The following SOX5 variants were observed in gnomAD, a reference collection of about 807,000 sequenced individuals.
The protein encoded by SOX5 is transcription factor SOX-5.
A neutral mutation model predicts 92.0 loss-of-function variants in SOX5; 9 were observed. The ratio of observed to expected loss-of-function variants is 0.10; its 90% CI spans 0.06 to 0.17. SOX5 has a LOEUF of 0.17. SOX5 is among the 10% of genes least tolerant of loss of function. The probability of loss-of-function intolerance (pLI) is 1.00; values close to 1 mark genes in which losing one functional copy is unlikely to be tolerated. For synonymous variants in SOX5, 344 were observed against 336.3 expected (o/e 1.02, Z -0.25); for missense variants, 642 against 944.5 (o/e 0.68, Z 4.20).
chr12:24,451,589 T>A lies in SOX5; in HGVS notation c.-250-82950A>T, dbSNP rs115540896. Among the ~76,000 whole-genome samples, 454 of 152,282 alleles carry A rather than the reference T, an allele frequency of 3.0e-3. 1 individual carries two copies. Among genetic ancestry groups the A allele is most frequent in the African/African-American group, 0.011 (437 of 41,572 alleles). On this transcript the variant is annotated intron_variant, in intron 1 of 4. Transcript: ENST00000446891. ...TCATATAATCATCTTTTTAAAAAAA[T>A]GAATATCTAATATTAACTCTTCATG... is the stretch of plus-strand genomic sequence containing the variant.
At chr12:24,412,006 G>C (rs1354136797) in intron 1 of SOX5, among the ~76,000 whole-genome samples, 2 of 152,116 alleles carry the variant, frequency 1.3e-5, no homozygotes, top group African/African-American at 2.4e-5. Context: ...AGTTGCAGCA[G>C]TTCATGTTTT....
intron 2 of SOX5, among the ~76,000 whole-genome samples, chr12:24,364,431 TA>T (rs540143447): frequency 3.4e-4 from 51 of 150,492 alleles, no homozygotes; most frequent in African/African-American, 1.2e-3. Context: ...AAGAATGACA[TA>T]ATCTTCTTGC....
intron 3 of SOX5, among the ~76,000 whole-genome samples, chr12:24,217,088 T>C (rs1176554984): frequency 6.6e-6 from 1 of 152,206 alleles, no homozygotes; most frequent in South Asian, 2.1e-4. Flanking sequence ...CAGCTACTCA[T>C]TTAAATCCTT....
chr12:24,556,741 A>C (rs1273325985), intron 1 of SOX5, among the ~76,000 whole-genome samples: 1 of 152,250 alleles, frequency 6.6e-6, no homozygotes, highest in Non-Finnish European at 1.5e-5. Context: ...AGGAGCACTT[A>C]TATGAATAAA....
chr12:23,655,947 T>A (rs1479683112), intron 7 of SOX5, among the ~76,000 whole-genome samples: 3 of 152,144 alleles, frequency 2.0e-5, no homozygotes, highest in Non-Finnish European at 4.4e-5. Context: ...GGAGTATATA[T>A]TTAATGAATC....
At chr12:24,281,757 G>A (rs519540) in intron 2 of SOX5, among the ~76,000 whole-genome samples, 144,599 of 152,318 alleles carry the variant, frequency 0.95, 69,129 homozygotes, top group East Asian at 1. Flanking sequence ...GAAGCATGAG[G>A]GGGATGGGGA....
chr12:24,289,854 T>C (rs1946419515), intron 2 of SOX5, among the ~76,000 whole-genome samples: 1 of 152,304 alleles, frequency 6.6e-6, no homozygotes, highest in South Asian at 2.1e-4. Context: ...GGATAATGTC[T>C]CACTTAGGGC....
chr12:23,584,581 C>T (rs1566039839), intron 9 of SOX5: 1 of 1,611,200 alleles, frequency 6.2e-7, no homozygotes, highest in Admixed American at 1.7e-5. Flanking sequence ...AAATCTCCAA[C>T]AGTCTGGTGA....
chr12:24,370,665 G>A (rs977812984), intron 1 of SOX5, among the ~76,000 whole-genome samples: 22 of 151,854 alleles, frequency 1.4e-4, no homozygotes, highest in African/African-American at 4.8e-4. Flanking sequence ...GGGGGCACGC[G>A]CGTGTAGTCC....
intron 4 of SOX5, among the ~76,000 whole-genome samples, chr12:24,047,335 G>T (rs1957142376): frequency 6.6e-6 from 1 of 152,128 alleles, no homozygotes; most frequent in African/African-American, 2.4e-5. Context: ...AGATTTAATG[G>T]AAATGGACTT....
intron 1 of SOX5, among the ~76,000 whole-genome samples, chr12:24,452,450 A>G (rs986002161): frequency 5.3e-5 from 8 of 152,028 alleles, no homozygotes; most frequent in African/African-American, 1.7e-4. Context: ...CACTAATGCC[A>G]CCTCCCAGAG....
chr12:24,064,731 T>C (rs12708362), intron 4 of SOX5, among the ~76,000 whole-genome samples: 51,786 of 152,058 alleles, frequency 0.34, 9,265 homozygotes, highest in Non-Finnish European at 0.41. Context: ...GGTCCTGTCA[T>C]GCAGCAGAAG....
chr12:24,326,441 C>A (rs1400448712), intron 2 of SOX5, among the ~76,000 whole-genome samples: 2 of 77,506 alleles, frequency 2.6e-5, no homozygotes, highest in African/African-American at 8.3e-5. Context: ...TACATACCTT[C>A]ATTTGATCGC....
At chr12:23,622,622 A>G (rs1464476021) in intron 8 of SOX5, among the ~76,000 whole-genome samples, 1 of 152,118 alleles carries the variant, frequency 6.6e-6, no homozygotes, top group East Asian at 1.9e-4. Context: ...TATCTCACAT[A>G]ATTGGGAAAA....
At chr12:23,588,721 GCACACACACACACACA>G (rs56083228) in intron 9 of SOX5, among the ~76,000 whole-genome samples, 3 of 149,324 alleles carry the variant, frequency 2.0e-5, no homozygotes, top group Non-Finnish European at 3.0e-5. Flanking sequence ...ATGGGATAGT[GCACACACACACACACA>G]CACACACACA....
At chr12:23,948,177 C>T (rs1944926783) in intron 1 of SOX5, among the ~76,000 whole-genome samples, 1 of 150,174 alleles carries the variant, frequency 6.7e-6, no homozygotes, top group South Asian at 2.1e-4. Flanking sequence ...TAAGAAAGCT[C>T]AAACATTCGC....
At chr12:24,453,726 G>A (rs1002684914) in intron 1 of SOX5, among the ~76,000 whole-genome samples, 1 of 152,096 alleles carries the variant, frequency 6.6e-6, no homozygotes, top group Non-Finnish European at 1.5e-5. Flanking sequence ...TCTGGTAAAT[G>A]GATATGATAG....
At chr12:23,787,925 G>C (rs572751405) in intron 3 of SOX5, among the ~76,000 whole-genome samples, 1 of 148,606 alleles carries the variant, frequency 6.7e-6, no homozygotes, top group South Asian at 2.2e-4. Flanking sequence ...GACCCGAGAT[G>C]CTGCAGCAGA....
chr12:24,429,218 G>C (rs899028415), intron 1 of SOX5, among the ~76,000 whole-genome samples: 2 of 152,122 alleles, frequency 1.3e-5, no homozygotes, highest in Admixed American at 1.3e-4. Context: ...TCTGGAGGCT[G>C]AGGCAGGAGA....
Sources: gnomAD v4.1 joint callset for allele counts (sites outside exome capture counted in the v4.1 genomes callset) on GRCh38, gnomAD v4.1.1 for gene constraint, MANE v1.5 for transcripts, NCBI Gene and HGNC (gene_info 2026-07-23, HGNC 2026-07-21) for gene names.